The following PGGT1B variants were observed in gnomAD, a reference collection of about 807,000 sequenced individuals.
PGGT1B encodes the protein protein geranylgeranyltransferase type I subunit beta.
Under a neutral mutation model 46.1 loss-of-function variants are expected in PGGT1B, and 30 were observed. The observed-to-expected ratio is 0.65, with a 90% CI of 0.49 to 0.88. The LOEUF is 0.88. Among genes scored for constraint, PGGT1B ranks in the 40% least tolerant of loss-of-function variants. The pLI, the probability that PGGT1B is intolerant of heterozygous loss-of-function variation, is 0.00. For synonymous variants in PGGT1B, 170 were observed against 160.0 expected, an observed-to-expected ratio of 1.06 and a Z score of -0.47; for missense variants, 376 against 455.9, an observed-to-expected ratio of 0.82 and a Z score of 1.60.
intron 8 of PGGT1B, among the ~76,000 whole-genome samples, chr5:115,214,206 G>C (rs940809795): frequency 6.6e-6 from 1 of 152,012 alleles, no homozygotes; most frequent in African/African-American, 2.4e-5. Flanking sequence ...ATCTCTCTGG[G>C]TAAAGTAACA....
In PGGT1B at chr5:115,204,127, T is replaced by C. The variant is rs1437664779; in HGVS notation, c.*8275A>G. The C allele has an allele frequency of 1.3e-5, 2 of 152,184 alleles. No individual in the cohort carries two copies. Among genetic ancestry groups the C allele is most frequent in the Non-Finnish European group, 2.9e-5 (2 of 68,032 alleles). 9.4% of individuals were successfully genotyped at this position (152,184 alleles called of 1,614,324 possible). A position where few individuals can be genotyped will look rare whatever the true frequency, so the allele number is the denominator to read the frequency against. On this transcript the variant is annotated 3_prime_UTR_variant, in exon 9 of 9. Transcript: ENST00000419445. ...TCACATTGTTGAATTATAAAGAGCT[T>C]ACTGTTAAGAATCCTATCTTTTTAA...
chr5:115,258,134 C>G (rs574913607), intron 1 of PGGT1B, among the ~76,000 whole-genome samples: 1 of 152,314 alleles, frequency 6.6e-6, no homozygotes, highest in South Asian at 2.1e-4. Flanking sequence ...ACACCTACTA[C>G]AGACTAGATG....
chr5:115,246,674 A>G (rs983543502), intron 2 of PGGT1B, among the ~76,000 whole-genome samples: 4 of 152,174 alleles, frequency 2.6e-5, no homozygotes, highest in Non-Finnish European at 5.9e-5. Flanking sequence ...GAAAAAACAG[A>G]GATGCCTCTT....
intron 2 of PGGT1B, among the ~76,000 whole-genome samples, chr5:115,249,561 G>C (rs1400458125): frequency 6.6e-6 from 1 of 152,110 alleles, no homozygotes; most frequent in Non-Finnish European, 1.5e-5. Context: ...AGATCAGAAT[G>C]AGTCAGGGTG....
intron 6 of PGGT1B, among the ~76,000 whole-genome samples, chr5:115,228,349 G>C (rs527285869): frequency 1.3e-5 from 2 of 152,174 alleles, no homozygotes; most frequent in Non-Finnish European, 2.9e-5. Context: ...AAAAAACTCT[G>C]TTCTCATGAG....
At chr5:115,220,393 G>C (rs1041467344) in intron 7 of PGGT1B, among the ~76,000 whole-genome samples, 1 of 151,806 alleles carries the variant, frequency 6.6e-6, no homozygotes, top group Non-Finnish European at 1.5e-5. Context: ...GAGGTACCTA[G>C]AATAGACAAA....
chr5:115,205,181 ATC>A lies in PGGT1B; in HGVS notation c.*7219_*7220del, dbSNP rs1416201789. 1.3e-5 allele frequency: 2 copies of A among 152,054 alleles called. No homozygotes were observed. The highest frequency in any genetic ancestry group is 1.3e-4 in the Admixed American group (2 of 15,260). The allele number at this position is 152,054 out of a possible 1,614,324, so 9.4% of individuals were successfully genotyped here. A position where few individuals can be genotyped will look rare whatever the true frequency, so the allele number is the denominator to read the frequency against. On this transcript the variant is annotated 3_prime_UTR_variant, in exon 9 of 9. Transcript: ENST00000419445. ...AATTGGCTTTGAGCCTAAATTCATAATCTTTTACTTTTTCACAATTTCTCCAG... is the reference window on the plus strand; with the variant it reads ...AATTGGCTTTGAGCCTAAATTCATAATTTTACTTTTTCACAATTTCTCCAG...
rs146103577 is a variant in PGGT1B at position 115,231,170 on chromosome 5, G to A, written c.613-149C>T. 4.8e-4 allele frequency: 243 copies of A among 509,508 alleles called. 1 individual carries two copies. Among genetic ancestry groups the A allele is most frequent in the African/African-American group, 4.5e-3 (225 of 49,548 alleles). The allele number at this position is 509,508 out of a possible 1,614,324, so 31.6% of individuals were successfully genotyped here. The stretch of plus-strand genomic sequence containing the variant: ...CAAAATATGCGTTTTTCCCCATGGA[G>A]AAGTAGAATTAGGCATTTTCAAATA... On this transcript the variant is annotated intron_variant, in intron 5 of 8. Coordinates refer to ENST00000419445, the MANE Select transcript of PGGT1B (RefSeq NM_005023.4).
At chr5:115,223,851 C>T (rs1011556151) in intron 6 of PGGT1B, among the ~76,000 whole-genome samples, 2 of 152,186 alleles carry the variant, frequency 1.3e-5, no homozygotes, top group African/African-American at 4.8e-5. Context: ...AATACTTATA[C>T]TTGCAATTTA....
At position 115,250,202 on chromosome 5, in the gene PGGT1B, T is replaced by G. The variant is rs572660380; in HGVS notation, c.259+2935A>C. Among the ~76,000 whole-genome samples the G allele has an allele frequency of 6.6e-5, 10 of 152,314 alleles. No individual in the cohort carries two copies. In the South Asian group the frequency reaches 2.1e-3, roughly 32 times the overall value. ...AACATTTCTAGATGTTATAATTCCC[T>G]AGATTTTATGTGGTATCTCAAAGTA... On this transcript the variant is annotated intron_variant, in intron 2 of 8. Transcript: ENST00000419445.
Position 115,262,828 on chromosome 5 carries a change from C to A in PGGT1B, c.24G>T (p.Arg8Ser), listed in dbSNP as rs41296573. 2.1e-3 allele frequency: 3,332 copies of A among 1,612,470 alleles called. 8 individuals are homozygous for A. The highest frequency in any genetic ancestry group is 2.2e-3 in the Non-Finnish European group (2,587 of 1,179,958). Residue 8 changes from arginine to serine, a missense_variant, in exon 1 of 9, where the codon AGG (arginine) becomes AGT (serine). By Grantham distance (110) the Arg-to-Ser change is moderately radical (BLOSUM62 -1). Around this residue, in one of 2 missense-constraint regions of PGGT1B, gnomAD observed 154 missense variants for 142.3 expected, o/e 1.08. Coordinates refer to ENST00000419445, the MANE Select transcript of PGGT1B (RefSeq NM_005023.4). MAATEDE[R>S]LAGSGEGERL... is the part of the protein sequence containing the mutation. ...GCTCTCCCTCACCGCTCCCTGCTAG[C>A]CTCTCATCCTCAGTGGCCGCCATGC... is the stretch of plus-strand genomic sequence containing the variant.
chr5:115,255,966 A>T (rs1380993329), intron 1 of PGGT1B, among the ~76,000 whole-genome samples: 2 of 152,156 alleles, frequency 1.3e-5, no homozygotes, highest in African/African-American at 4.8e-5. Context: ...CCAACATAAC[A>T]TAGAGATCAA....
intron 5 of PGGT1B, 73 bp from the exon 6 acceptor site, chr5:115,231,094 T>C: frequency 1.3e-6 from 1 of 767,152 alleles, no homozygotes; most frequent in South Asian, 2.1e-5. Flanking sequence ...AAGTTGCCAA[T>C]GAACTAAGTT....
At position 115,237,896 on chromosome 5, in the gene PGGT1B, G is replaced by A. The variant is rs747587654; in HGVS notation, c.441C>T (p.Cys147=). The change falls in exon 4 of 9, where the codon TGC becomes TGT. Residue 147 remains cysteine (C), a synonymous_variant. Transcript: ENST00000419445. The part of the protein sequence containing the change: ...DDLSRVNKEA[C]LAGLRALQLE... ...GCTGAAGGGCTCTCAAGCCCGCTAA[G>A]CAAGCTTCTTTATTTACTCGGCTTA... is the stretch of plus-strand genomic sequence containing the variant. 1 of 1,611,818 alleles carries A rather than the reference G, an allele frequency of 6.2e-7. No homozygotes were observed. The highest frequency in any genetic ancestry group is 2.2e-5 in the East Asian group (1 of 44,844).
chr5:115,250,888 C>T (rs1748064381), intron 2 of PGGT1B, among the ~76,000 whole-genome samples: 1 of 152,102 alleles, frequency 6.6e-6, no homozygotes, highest in Non-Finnish European at 1.5e-5. Flanking sequence ...GTACTTCTTT[C>T]TCTCATAAAC....
Position 115,206,087 on chromosome 5 carries a change from G to A in PGGT1B, c.*6315C>T, listed in dbSNP as rs1756053840. On this transcript the variant is annotated 3_prime_UTR_variant, in exon 9 of 9. Transcript: ENST00000419445. ...ACATTGTTGAATGAAAAAAAACCAT[G>A]GAATATTTAGTACCTCAGATCTTTA... is the stretch of plus-strand genomic sequence containing the variant. The A allele has an allele frequency of 6.6e-6, 1 of 151,522 alleles. No individual in the cohort carries two copies. Among genetic ancestry groups the A allele is most frequent in the Non-Finnish European group, 1.5e-5 (1 of 67,750 alleles). The allele number at this position is 151,522 out of a possible 1,614,324, so 9.4% of individuals were successfully genotyped here. A position where few individuals can be genotyped will look rare whatever the true frequency, so the allele number is the denominator to read the frequency against.
intron 7 of PGGT1B, among the ~76,000 whole-genome samples, chr5:115,219,154 T>C (rs1389840815): frequency 1.3e-5 from 2 of 151,780 alleles, no homozygotes; most frequent in South Asian, 2.1e-4. Flanking sequence ...AAAACAATCT[T>C]GAAAAAGAAA....
rs1465966209 is a variant in PGGT1B, at chr5:115,211,218, G to A, written c.*1184C>T. The A allele has an allele frequency of 6.6e-6, 1 of 151,986 alleles. No homozygotes were observed. The highest frequency in any genetic ancestry group is 1.5e-5 in the Non-Finnish European group (1 of 67,894). 9.4% of individuals were successfully genotyped at this position (151,986 alleles called of 1,614,324 possible). ...GTCACTGAGCAAGTAACGGATATGA[G>A]TTATTGATAAATTAATTACTAATGA... On this transcript the variant is annotated 3_prime_UTR_variant, in exon 9 of 9. Coordinates refer to ENST00000419445, the MANE Select transcript of PGGT1B (RefSeq NM_005023.4).
At chr5:115,260,433 G>C (rs569569490) in intron 1 of PGGT1B, among the ~76,000 whole-genome samples, 13 of 152,258 alleles carry the variant, frequency 8.5e-5, no homozygotes, top group African/African-American at 2.9e-4. Flanking sequence ...CCAGGTAAGA[G>C]TTGTGGCTTG....
Sources: allele counts gnomAD v4.1 joint callset (sites outside exome capture counted in the v4.1 genomes callset), GRCh38; gene constraint gnomAD v4.1.1; regional missense constraint gnomAD v4.1.1; transcripts MANE v1.5; gene names NCBI Gene and HGNC (gene_info 2026-07-23, HGNC 2026-07-21).